The following CYP4X1 variants were observed in gnomAD, a reference collection of about 807,000 sequenced individuals.
CYP4X1 encodes the protein cytochrome P450 family 4 subfamily X member 1.
Under a neutral mutation model 57.9 loss-of-function variants are expected in CYP4X1, and 44 were observed. The ratio of observed to expected loss-of-function variants is 0.76; its 90% confidence interval spans 0.60 to 0.98. The LOEUF (loss-of-function observed/expected upper bound fraction) is 0.98. Ranked by LOEUF, CYP4X1 falls within the 50% of genes least tolerant of loss-of-function variation. The pLI is 0.00. For missense variants in CYP4X1, 532 were observed against 623.9 expected (o/e 0.85, Z 1.57); for synonymous variants, 227 against 228.6 (o/e 0.99, Z 0.06).
chr1:47,008,143 G>A, the CYP4X1 span, among the ~76,000 whole-genome samples: 1 of 152,128 alleles, frequency 6.6e-6, no homozygotes, highest in Non-Finnish European at 1.5e-5. Flanking sequence ...AAGTTGCAAT[G>A]AAGGAAAAAA....
chr1:46,991,772 C>T, the CYP4X1 span, among the ~76,000 whole-genome samples: 9 of 150,692 alleles, frequency 6.0e-5, no homozygotes, highest in Middle Eastern at 6.9e-3. Context: ...ATACGCTGGC[C>T]GGCGACTCGG....
intron 8 of CYP4X1, among the ~76,000 whole-genome samples, chr1:47,044,858 T>C (rs1569651955): frequency 6.6e-6 from 1 of 152,228 alleles, no homozygotes; most frequent in East Asian, 1.9e-4. Flanking sequence ...GTTTCACTCT[T>C]GTTGCCCAGG....
Position 47,043,486 on chromosome 1 carries a change from T to G in CYP4X1, c.1074-2981T>G, listed in dbSNP as rs561711328. On this transcript the variant is annotated intron_variant, in intron 8 of 11. Coordinates refer to ENST00000371901, the MANE Select transcript of CYP4X1 (RefSeq NM_178033.2). ...AAGTCCCACCTATTTATCTTTTCGT[T>G]GTTGTTGTTTTTTGGGGTTGTTTTG... is the stretch of plus-strand genomic sequence containing the variant. Among the ~76,000 whole-genome samples, 3 of 152,250 alleles carry G rather than the reference T, an allele frequency of 2.0e-5. No individual in the cohort carries two copies. In the South Asian group the frequency reaches 6.2e-4, roughly 32 times the overall value.
At chr1:47,049,363 G>A in intron 10 of CYP4X1, 59 bp from the exon 11 acceptor site, 1 of 1,289,736 alleles carries the variant, frequency 7.8e-7, no homozygotes, top group Admixed American at 1.7e-5. Context: ...TAGGTGGTAG[G>A]TGAAGAAATG....
chr1:46,976,777 T>A, the CYP4X1 span, among the ~76,000 whole-genome samples: 1 of 152,186 alleles, frequency 6.6e-6, no homozygotes, highest in African/African-American at 2.4e-5. Flanking sequence ...CAATATTTGC[T>A]GTTCTGCAAT....
intron 3 of CYP4X1, among the ~76,000 whole-genome samples, chr1:47,031,813 G>A (rs574545511): frequency 6.6e-6 from 1 of 152,230 alleles, no homozygotes; most frequent in East Asian, 1.9e-4. Flanking sequence ...AGGCCAAGGT[G>A]GGAGGATCAC....
intron 8 of CYP4X1, chr1:47,039,771 G>GTT (rs140737802): frequency 3.9e-4 from 120 of 310,900 alleles, no homozygotes; most frequent in South Asian, 1.7e-3. Context: ...AATCAATGGT[G>GTT]TGTGAAATGT....
chr1:47,019,766 C>A (rs944192209), upstream of CYP4X1, among the ~76,000 whole-genome samples: 5 of 152,168 alleles, frequency 3.3e-5, no homozygotes, highest in Non-Finnish European at 5.9e-5. Context: ...TCTCTGATGT[C>A]CTTGGACAAA....
At chr1:46,982,277 G>C in the CYP4X1 span, among the ~76,000 whole-genome samples, 1 of 151,834 alleles carries the variant, frequency 6.6e-6, no homozygotes, top group African/African-American at 2.4e-5. Flanking sequence ...TGATTCCTTG[G>C]AATGAGTTTC....
intron 9 of CYP4X1, among the ~76,000 whole-genome samples, chr1:47,046,873 G>C (rs1569656898): frequency 6.6e-6 from 1 of 152,074 alleles, no homozygotes; most frequent in African/African-American, 2.4e-5. Flanking sequence ...TTCCATTGTG[G>C]GACATCATTT....
the CYP4X1 span, among the ~76,000 whole-genome samples, chr1:47,017,015 G>A: frequency 6.6e-6 from 1 of 152,128 alleles, no homozygotes; most frequent in African/African-American, 2.4e-5. Flanking sequence ...TATCCATATT[G>A]TTGCAAATGA....
At chr1:47,031,958 G>A (rs928884963) in intron 3 of CYP4X1, among the ~76,000 whole-genome samples, 4 of 152,016 alleles carry the variant, frequency 2.6e-5, no homozygotes, top group Non-Finnish European at 4.4e-5. Flanking sequence ...CATGAGAATC[G>A]CTTGAACCTA....
intron 1 of CYP4X1, among the ~76,000 whole-genome samples, chr1:47,025,568 G>A (rs1020240434): frequency 2.6e-5 from 4 of 152,060 alleles, no homozygotes; most frequent in Non-Finnish European, 5.9e-5. Context: ...TTATGCAAAT[G>A]TTATTTACTG....
chr1:46,978,270 G>A, the CYP4X1 span, among the ~76,000 whole-genome samples: 1 of 152,016 alleles, frequency 6.6e-6, no homozygotes, highest in Non-Finnish European at 1.5e-5. Context: ...AAAATAAAGG[G>A]ATGGAGGAAG....
chr1:46,982,138 G>GA, the CYP4X1 span, among the ~76,000 whole-genome samples: 1 of 151,886 alleles, frequency 6.6e-6, no homozygotes, highest in Admixed American at 6.6e-5. Context: ...AATAAAAAAA[G>GA]AAAAAAATCC....
Position 47,032,518 on chromosome 1 carries a change from G to C in CYP4X1, c.365-723G>C, listed in dbSNP as rs1195360610. On this transcript the variant is annotated intron_variant, in intron 3 of 11. Transcript: ENST00000371901. ...ATGAGTGACAGATCATGCATCATGA[G>C]CCTGGAATGTTGTAAGCATTCAATG... Among the ~76,000 whole-genome samples, 3 of 152,308 alleles carry C rather than the reference G, an allele frequency of 2.0e-5. No individual in the cohort carries two copies. The East Asian group carries it at 5.8e-4, about 29-fold the overall frequency.
chr1:47,000,916 G>A, the CYP4X1 span: 1 of 155,732 alleles, frequency 6.4e-6, no homozygotes, highest in South Asian at 2.0e-4. Flanking sequence ...GTCCTCACAA[G>A]TATTAGGGAG....
At position 47,023,827 on chromosome 1, in the gene CYP4X1, T is replaced by G; in HGVS notation, c.10T>G (p.Ser4Ala). Reference sequence around the variant, plus strand: ...GGCGCTGCGCAGAGCCATGGAATTCTCCTGGCTGGAGACGCGCTGGGCGCG... The same window carrying G: ...GGCGCTGCGCAGAGCCATGGAATTCGCCTGGCTGGAGACGCGCTGGGCGCG... MEF[S>A]WLETRWARPF... is the part of the protein sequence containing the mutation. Residue 4 changes from serine (S) to alanine (A), a missense_variant, in exon 1 of 12, where the codon TCC becomes GCC. Physicochemically the swap from Ser to Ala is moderately conservative, Grantham distance 99. Coordinates refer to ENST00000371901, the MANE Select transcript of CYP4X1 (RefSeq NM_178033.2). 6.2e-7 allele frequency: 1 copy of G among 1,612,956 alleles called. No homozygotes were observed.
At chr1:47,040,057 T>C (rs971835255) in intron 8 of CYP4X1, among the ~76,000 whole-genome samples, 3 of 152,208 alleles carry the variant, frequency 2.0e-5, no homozygotes, top group Non-Finnish European at 4.4e-5. Flanking sequence ...TTTTAAATAC[T>C]GAGACTTTTT....
Sources: allele counts gnomAD v4.1 joint callset (sites outside exome capture counted in the v4.1 genomes callset), GRCh38; gene constraint gnomAD v4.1.1; transcripts MANE v1.5; gene names NCBI Gene and HGNC (gene_info 2026-07-23, HGNC 2026-07-21).